ERG: variants seen among roughly 807,000 people sequenced by gnomAD.
ERG encodes the protein transcriptional regulator ERG.
In ERG, 9 loss-of-function variants were observed where a neutral mutation model predicts 55.3. The observed-to-expected ratio is 0.16, with a 90% CI of 0.10 to 0.28. The LOEUF (loss-of-function observed/expected upper bound fraction) is 0.28, where lower values mean the gene tolerates loss of function less well. Among genes scored for constraint, ERG ranks in the 10% least tolerant of loss-of-function variants. The probability of loss-of-function intolerance (pLI) is 1.00; values close to 1 mark genes in which losing one functional copy is unlikely to be tolerated. For synonymous variants in ERG, 223 were observed against 237.3 expected (o/e 0.94, Z 0.55); for missense variants, 434 against 631.6 (o/e 0.69, Z 3.35).
At chr21:38,568,207 C>T (rs2059935161) in intron 2 of ERG, among the ~76,000 whole-genome samples, 1 of 138,136 alleles carries the variant, frequency 7.2e-6, no homozygotes, top group South Asian at 2.6e-4. Flanking sequence ...CACCAGTATG[C>T]TAGTATACAA....
chr21:38,556,681 C>T (rs1275491671), intron 2 of ERG, among the ~76,000 whole-genome samples: 2 of 152,140 alleles, frequency 1.3e-5, no homozygotes, highest in Non-Finnish European at 2.9e-5. Context: ...TTCCATTCTT[C>T]TCCCACCCAC....
intron 2 of ERG, among the ~76,000 whole-genome samples, chr21:38,559,488 C>T (rs749904774): frequency 1.2e-4 from 17 of 147,000 alleles, no homozygotes; most frequent in Non-Finnish European, 1.8e-4. Flanking sequence ...ATGGCCAGCA[C>T]GATTTAGTCA....
chr21:38,442,688 G>T (rs1314817406), intron 2 of ERG, among the ~76,000 whole-genome samples: 2 of 152,224 alleles, frequency 1.3e-5, no homozygotes, highest in South Asian at 2.1e-4. Context: ...GGCTGGAAAA[G>T]CTTCCCCATG....
intron 1 of ERG, among the ~76,000 whole-genome samples, chr21:38,466,719 A>G (rs551264647): frequency 2.0e-5 from 3 of 152,314 alleles, no homozygotes; most frequent in Admixed American, 6.5e-5. Flanking sequence ...GCATGAACCA[A>G]CTTTACAGAT....
intron 1 of ERG, among the ~76,000 whole-genome samples, chr21:38,617,444 C>T (rs1870207057): frequency 6.6e-6 from 1 of 152,204 alleles, no homozygotes; most frequent in Non-Finnish European, 1.5e-5. Flanking sequence ...GTTGGGAATT[C>T]TTCACACACT....
chr21:38,499,138 A>T (rs1221890880), upstream of ERG, among the ~76,000 whole-genome samples: 1 of 152,164 alleles, frequency 6.6e-6, no homozygotes, highest in East Asian at 2.0e-4. Context: ...GAGGAAAAAT[A>T]AACCTTCCTA....
At chr21:38,440,582 A>G (rs2058831580) in intron 2 of ERG, among the ~76,000 whole-genome samples, 1 of 152,054 alleles carries the variant, frequency 6.6e-6, no homozygotes, top group Admixed American at 6.6e-5. Context: ...GCACTTTGGG[A>G]GGCTGAGGCG....
intron 1 of ERG, among the ~76,000 whole-genome samples, chr21:38,494,146 T>G (rs370810983): frequency 7.2e-5 from 11 of 152,054 alleles, no homozygotes; most frequent in African/African-American, 2.4e-4. Flanking sequence ...TGCGGCCACG[T>G]AAGGTGAGAG....
chr21:38,526,726 T>C (rs2059632800), intron 2 of ERG, among the ~76,000 whole-genome samples: 1 of 152,220 alleles, frequency 6.6e-6, no homozygotes, highest in East Asian at 1.9e-4. Context: ...ATTTTCTTTG[T>C]ACTAACTCTA....
At chr21:38,559,621 C>G (rs1274277228) in intron 2 of ERG, among the ~76,000 whole-genome samples, 1 of 152,054 alleles carries the variant, frequency 6.6e-6, no homozygotes. Flanking sequence ...AATGGTTTAT[C>G]TAAAGGTCTA....
intron 2 of ERG, among the ~76,000 whole-genome samples, chr21:38,440,157 A>G (rs1472008115): frequency 2.0e-5 from 3 of 152,230 alleles, no homozygotes; most frequent in Admixed American, 1.3e-4. Flanking sequence ...AGGAAAGCCC[A>G]TTATGCATAA....
At chr21:38,464,235 C>A (rs1020341641) in intron 1 of ERG, among the ~76,000 whole-genome samples, 1 of 152,126 alleles carries the variant, frequency 6.6e-6, no homozygotes, top group African/African-American at 2.4e-5. Context: ...TGGTTGAACC[C>A]TGAATTACCA....
upstream of ERG, among the ~76,000 whole-genome samples, chr21:38,588,571 C>A (rs1016898859): frequency 6.6e-6 from 1 of 152,126 alleles, no homozygotes; most frequent in African/African-American, 2.4e-5. Flanking sequence ...TTTATGCTGA[C>A]CCACTAGCAG....
At chr21:38,599,616 C>A (rs1485281200) in intron 1 of ERG, among the ~76,000 whole-genome samples, 1 of 152,170 alleles carries the variant, frequency 6.6e-6, no homozygotes, top group African/African-American at 2.4e-5. Flanking sequence ...CCGGCCATGG[C>A]CCCAGAGGCG....
At chr21:38,625,574 C>T (rs1287679684) in intron 1 of ERG, among the ~76,000 whole-genome samples, 4 of 152,018 alleles carry the variant, frequency 2.6e-5, no homozygotes, top group African/African-American at 4.8e-5. Context: ...TGTGAAGCAG[C>T]GAGCCTTAAA....
intron 2 of ERG, among the ~76,000 whole-genome samples, chr21:38,428,706 G>T (rs1302092403): frequency 6.6e-6 from 1 of 152,128 alleles, no homozygotes; most frequent in Non-Finnish European, 1.5e-5. Flanking sequence ...TATGTGTGTT[G>T]CAGCAGTTCC....
rs545935132 is a variant in ERG at position 38,458,289 on chromosome 21, T to C, written c.19-12668A>G. Among the ~76,000 whole-genome samples, 4 of 152,202 alleles carry C rather than the reference T, an allele frequency of 2.6e-5. No homozygotes were observed. In the South Asian group the frequency reaches 6.2e-4, roughly 24 times the overall value. ...AAATACAAATATTAGCCAGGTGTGG[T>C]GGCGTGTGCCTGTAATCCCAGCTAC... On this transcript the variant is annotated intron_variant, in intron 1 of 9. Coordinates refer to ENST00000288319, the MANE Select transcript of ERG (RefSeq NM_182918.4).
At chr21:38,423,176 A>G (rs541839530) in intron 3 of ERG, among the ~76,000 whole-genome samples, 1 of 151,896 alleles carries the variant, frequency 6.6e-6, no homozygotes, top group African/African-American at 2.4e-5. Flanking sequence ...CTGCTGTCTC[A>G]CATATTTTTT....
At position 38,610,703 on chromosome 21, in the gene ERG, T is replaced by C. The variant is rs2060221829; in HGVS notation, c.-149-25758A>G. On this transcript the variant is annotated intron_variant, in intron 1 of 10. Transcript: ENST00000398910. Reference sequence around the variant, plus strand: ...GTGCTGTGGTGTGAGAAAGGAAACCTACGGAGTAATACCCCTCCTTCCTGT... The same window carrying C: ...GTGCTGTGGTGTGAGAAAGGAAACCCACGGAGTAATACCCCTCCTTCCTGT... 2.0e-5 allele frequency among the ~76,000 whole-genome samples: 3 copies of C among 152,294 alleles called. No individual in the cohort carries two copies. In the South Asian group the frequency reaches 6.2e-4, roughly 32 times the overall value.
Sources: allele counts gnomAD v4.1 joint callset (sites outside exome capture counted in the v4.1 genomes callset), GRCh38; gene constraint gnomAD v4.1.1; transcripts MANE v1.5; gene names NCBI Gene and HGNC (gene_info 2026-07-23, HGNC 2026-07-21).